The following KLF12 variants were observed in gnomAD, a reference collection of about 807,000 sequenced individuals.
KLF12 encodes the protein KLF transcription factor 12.
KLF12 carries 9 observed loss-of-function variants against 37.8 expected under a neutral mutation model. The ratio of observed to expected loss-of-function variants is 0.24; its 90% CI spans 0.14 to 0.42. The LOEUF (loss-of-function observed/expected upper bound fraction) is 0.42. Among genes scored for constraint, KLF12 ranks in the 10% least tolerant of loss-of-function variants. KLF12 has a pLI of 1.00. For missense variants in KLF12, 411 were observed against 516.0 expected (o/e 0.80, Z 1.97); for synonymous variants, 208 against 202.1 (o/e 1.03, Z -0.25).
At position 73,689,521 on chromosome 13, in the gene KLF12, T is replaced by C. The variant is rs1467099075; in HGVS notation, c.*5969A>G. The C allele has an allele frequency of 6.6e-6, 1 of 152,124 alleles. No homozygotes were observed. The highest frequency in any genetic ancestry group is 2.4e-5 in the African/African-American group (1 of 41,414). 9.4% of individuals were successfully genotyped at this position (152,124 alleles called of 1,614,324 possible). A position where few individuals can be genotyped will look rare whatever the true frequency, so the allele number is the denominator to read the frequency against. On this transcript the variant is annotated 3_prime_UTR_variant, in exon 8 of 8. Transcript: ENST00000377669. ...CATATAGTCTCATTGTATATTTCTA[T>C]CCATGACTCCACTTTTAGCAGTACA...
chr13:73,691,691 G>C lies in KLF12; in HGVS notation c.*3799C>G, dbSNP rs1593960396. 1 of 152,710 alleles carries C rather than the reference G, an allele frequency of 6.5e-6. No homozygotes were observed. Among genetic ancestry groups the C allele is most frequent in the South Asian group, 2.1e-4 (1 of 4,826 alleles). 9.5% of individuals were successfully genotyped at this position (152,710 alleles called of 1,614,324 possible). A position where few individuals can be genotyped will look rare whatever the true frequency, so the allele number is the denominator to read the frequency against. ...ACATTTTGAAGGCCTCACCTCACCAGATTTATTCAGTTGCAGCTTTGGTAA... is the reference window on the plus strand; with the variant it reads ...ACATTTTGAAGGCCTCACCTCACCACATTTATTCAGTTGCAGCTTTGGTAA... On this transcript the variant is annotated 3_prime_UTR_variant, in exon 8 of 8. Coordinates refer to ENST00000377669, the MANE Select transcript of KLF12 (RefSeq NM_007249.5).
the KLF12 span, among the ~76,000 whole-genome samples, chr13:74,216,462 C>A: frequency 1.3e-5 from 2 of 152,114 alleles, no homozygotes; most frequent in Non-Finnish European, 2.9e-5. Context: ...CTGATGAGGA[C>A]GGCATCCCTG....
At chr13:74,127,579 A>C (rs1878012586) in intron 1 of KLF12, among the ~76,000 whole-genome samples, 1 of 152,256 alleles carries the variant, frequency 6.6e-6, no homozygotes, top group African/African-American at 2.4e-5. Context: ...GAAAGAGTCT[A>C]AATCAGTTAT....
At chr13:74,010,350 T>A (rs1472535209) in intron 1 of KLF12, among the ~76,000 whole-genome samples, 3 of 152,194 alleles carry the variant, frequency 2.0e-5, no homozygotes, top group Non-Finnish European at 4.4e-5. Context: ...CTCCCCCACC[T>A]ATTTTGGTAA....
At chr13:73,961,942 C>T (rs916712373) in intron 2 of KLF12, 2 of 443,354 alleles carry the variant, frequency 4.5e-6, no homozygotes, top group Non-Finnish European at 9.0e-6. Flanking sequence ...TAGCTTCTTA[C>T]AAAACTAAAT....
intron 1 of KLF12, among the ~76,000 whole-genome samples, chr13:74,105,259 A>G (rs2138891780): frequency 6.6e-6 from 1 of 152,308 alleles, no homozygotes; most frequent in East Asian, 1.9e-4. Context: ...GAATTCTTAA[A>G]ATAGCAGTAT....
intron 1 of KLF12, among the ~76,000 whole-genome samples, chr13:74,099,504 G>A (rs1876184469): frequency 6.6e-6 from 1 of 152,176 alleles, no homozygotes; most frequent in Admixed American, 6.5e-5. Context: ...AAATCAAAGT[G>A]CTTCTCTTAG....
intron 3 of KLF12, among the ~76,000 whole-genome samples, chr13:73,936,582 AG>A (rs1426949082): frequency 6.6e-6 from 1 of 152,058 alleles, no homozygotes; most frequent in African/African-American, 2.4e-5. Flanking sequence ...CCTCCTCTAC[AG>A]TATTCTTCTC....
intron 6 of KLF12, among the ~76,000 whole-genome samples, chr13:73,764,331 T>G (rs543070831): frequency 6.6e-6 from 1 of 152,286 alleles, no homozygotes; most frequent in South Asian, 2.1e-4. Flanking sequence ...ATGAAATATT[T>G]GTGAAACACT....
At chr13:73,808,395 A>G (rs1165876105) in intron 5 of KLF12, among the ~76,000 whole-genome samples, 1 of 152,202 alleles carries the variant, frequency 6.6e-6, no homozygotes, top group Admixed American at 6.5e-5. Context: ...ATGAGAGTCA[A>G]GTTAATTAAT....
Position 73,693,291 on chromosome 13 carries a change from T to C in KLF12, c.*2199A>G, listed in dbSNP as rs1378978493. The C allele has an allele frequency of 1.3e-5, 2 of 151,996 alleles. No individual in the cohort carries two copies. The highest frequency in any genetic ancestry group is 1.5e-5 in the Non-Finnish European group (1 of 68,028). The allele number at this position is 151,996 out of a possible 1,614,324, so 9.4% of individuals were successfully genotyped here. A position where few individuals can be genotyped will look rare whatever the true frequency, so the allele number is the denominator to read the frequency against. ...CTGAATGGTCACAGGCAATGTGAAG[T>C]AGGAGTTGCATATAGTACAAAAAAA... On this transcript the variant is annotated 3_prime_UTR_variant, in exon 8 of 8. Coordinates refer to ENST00000377669, the MANE Select transcript of KLF12 (RefSeq NM_007249.5).
chr13:73,695,229 C>T lies in KLF12; in HGVS notation c.*261G>A, dbSNP rs1874053971. On this transcript the variant is annotated 3_prime_UTR_variant, in exon 8 of 8. Coordinates refer to ENST00000377669, the MANE Select transcript of KLF12 (RefSeq NM_007249.5). The stretch of plus-strand genomic sequence containing the variant: ...ACAAACATCTTTAAATGGCAGAGGA[C>T]ACAGCACGGAAAACAATGCCTGTCT... 2.3e-6 allele frequency: 1 copy of T among 442,742 alleles called. No individual in the cohort carries two copies. The highest frequency in any genetic ancestry group is 3.6e-5 in the East Asian group (1 of 27,446). The allele number at this position is 442,742 out of a possible 1,614,324, so 27.4% of individuals were successfully genotyped here.
At chr13:74,100,115 G>A (rs1170495145) in intron 1 of KLF12, among the ~76,000 whole-genome samples, 1 of 152,096 alleles carries the variant, frequency 6.6e-6, no homozygotes, top group Non-Finnish European at 1.5e-5. Context: ...AGGGGTTGTG[G>A]GGGTGAAGGA....
chr13:74,091,982 A>G (rs1030777785), intron 1 of KLF12, among the ~76,000 whole-genome samples: 4 of 144,698 alleles, frequency 2.8e-5, no homozygotes, highest in African/African-American at 9.8e-5. Context: ...CTGCTCTAAA[A>G]CAAAGCAACC....
intron 1 of KLF12, among the ~76,000 whole-genome samples, chr13:74,087,861 T>A (rs1264633469): frequency 1.3e-5 from 2 of 152,166 alleles, no homozygotes; most frequent in Non-Finnish European, 2.9e-5. Flanking sequence ...AGAACTGGGC[T>A]ATCAAAGAAG....
At chr13:73,933,831 A>T (rs569764563) in intron 3 of KLF12, among the ~76,000 whole-genome samples, 205 of 151,954 alleles carry the variant, frequency 1.3e-3, no homozygotes, top group African/African-American at 4.3e-3. Flanking sequence ...GTTTTTTTTT[A>T]AATTCTTAAT....
At chr13:73,995,611 A>T (rs1367743182) in intron 1 of KLF12, among the ~76,000 whole-genome samples, 3 of 152,148 alleles carry the variant, frequency 2.0e-5, no homozygotes, top group African/African-American at 4.8e-5. Flanking sequence ...AAGTAACTTT[A>T]AAAAAATGAT....
At chr13:74,275,835 TTTCTTTC>T in the KLF12 span, among the ~76,000 whole-genome samples, 1 of 121,344 alleles carries the variant, frequency 8.2e-6, no homozygotes, top group Non-Finnish European at 1.7e-5. Context: ...TCTTTCTTTC[TTTCTTTC>T]TTTCTTTCTT....
chr13:73,988,516 G>A (rs915697480), intron 2 of KLF12, among the ~76,000 whole-genome samples: 4 of 152,174 alleles, frequency 2.6e-5, no homozygotes, highest in Non-Finnish European at 5.9e-5. Flanking sequence ...AACACCACAG[G>A]ACAGAAGTTG....
Sources: gnomAD v4.1 joint callset for allele counts (sites outside exome capture counted in the v4.1 genomes callset) on GRCh38, gnomAD v4.1.1 for gene constraint, MANE v1.5 for transcripts, NCBI Gene and HGNC (gene_info 2026-07-23, HGNC 2026-07-21) for gene names.